The following DLG2 variants were observed in gnomAD, a reference collection of about 807,000 sequenced individuals.
DLG2 encodes the protein discs large MAGUK scaffold protein 2, also known as disks large homolog 2.
DLG2 carries 45 observed loss-of-function variants against 132.5 expected under a neutral mutation model. The ratio of observed to expected loss-of-function variants is 0.34; its 90% CI spans 0.27 to 0.44. DLG2 has a LOEUF of 0.44. Among genes scored for constraint, DLG2 ranks in the 20% least tolerant of loss-of-function variants. The pLI is 1.00. For synonymous variants in DLG2, 424 were observed against 419.6 expected (o/e 1.01, Z -0.13); for missense variants, 1,045 against 1,196.9 (o/e 0.87, Z 1.87).
chr11:84,284,595 T>G (rs2097889303), intron 7 of DLG2, among the ~76,000 whole-genome samples: 1 of 152,198 alleles, frequency 6.6e-6, no homozygotes, highest in African/African-American at 2.4e-5. Context: ...CACATAGTTC[T>G]GCAGAATGCT....
chr11:84,760,504 T>C (rs745679495), intron 6 of DLG2, among the ~76,000 whole-genome samples: 2 of 152,184 alleles, frequency 1.3e-5, no homozygotes, highest in Non-Finnish European at 2.9e-5. Flanking sequence ...TCAGACACAA[T>C]CAACTCTTTA....
At chr11:83,477,951 CA>C (rs1210502454) in intron 22 of DLG2, among the ~76,000 whole-genome samples, 1 of 152,004 alleles carries the variant, frequency 6.6e-6, no homozygotes, top group Non-Finnish European at 1.5e-5. Context: ...CTCATCTTTC[CA>C]AAGCTCAGCT....
At chr11:83,585,020 T>A (rs540230870) in intron 19 of DLG2, among the ~76,000 whole-genome samples, 1 of 152,198 alleles carries the variant, frequency 6.6e-6, no homozygotes, top group African/African-American at 2.4e-5. Context: ...GTGCTTTAAA[T>A]TTTTCATCTG....
rs184756532 is a variant in DLG2, at chr11:84,803,689, G to A, written c.358-268958C>T. On this transcript the variant is annotated intron_variant, in intron 6 of 27. Coordinates refer to ENST00000376104, the MANE Select transcript of DLG2 (RefSeq NM_001142699.3). ...CTTTAGGTTTTACATTTAAAGTTAC[G>A]AGTAATCATCAAAAGCATTGATGTT... Among the ~76,000 whole-genome samples, 60 of 152,252 alleles carry A rather than the reference G, an allele frequency of 3.9e-4. 2 individuals carry two copies. Among genetic ancestry groups the A allele is most frequent in the East Asian group, 1.2e-3 (6 of 5,188 alleles).
chr11:84,869,622 A>G (rs2085154867), intron 6 of DLG2, among the ~76,000 whole-genome samples: 1 of 152,234 alleles, frequency 6.6e-6, no homozygotes, highest in South Asian at 2.1e-4. Flanking sequence ...CAAAAGATAT[A>G]TTAAAGGCTC....
At position 84,630,775 on chromosome 11, in the gene DLG2, G is replaced by T. The variant is rs142296041; in HGVS notation, c.358-96044C>A. ...ACTCTTTATGTTCCAGCAATTCCTT[G>T]TAAGGAAACAGGGAGTGAAGAAAGC... is the stretch of plus-strand genomic sequence containing the variant. On this transcript the variant is annotated intron_variant, in intron 6 of 27. Coordinates refer to ENST00000376104, the MANE Select transcript of DLG2 (RefSeq NM_001142699.3). 1.2e-3 allele frequency among the ~76,000 whole-genome samples: 189 copies of T among 152,108 alleles called. 1 individual carries two copies. The highest frequency in any genetic ancestry group is 4.0e-3 in the African/African-American group (168 of 41,486).
chr11:85,182,918 AC>A (rs1053351029), intron 4 of DLG2, among the ~76,000 whole-genome samples: 21 of 150,708 alleles, frequency 1.4e-4, no homozygotes, highest in African/African-American at 5.1e-4. Context: ...TCTAAATGAC[AC>A]CCTAGTGGCC....
intron 4 of DLG2, among the ~76,000 whole-genome samples, chr11:85,205,923 T>C (rs1278595090): frequency 6.6e-6 from 1 of 152,160 alleles, no homozygotes; most frequent in Non-Finnish European, 1.5e-5. Flanking sequence ...ACATAATCAA[T>C]AGACACAATG....
At chr11:83,926,291 T>G (rs2154126069) in intron 15 of DLG2, among the ~76,000 whole-genome samples, 1 of 152,174 alleles carries the variant, frequency 6.6e-6, no homozygotes, top group East Asian at 1.9e-4. Context: ...GGATTAGGAA[T>G]TAAACTGATG....
chr11:84,836,066 G>T (rs573036277), intron 6 of DLG2, among the ~76,000 whole-genome samples: 1 of 151,844 alleles, frequency 6.6e-6, no homozygotes, highest in Admixed American at 6.6e-5. Flanking sequence ...TTGCTTCACT[G>T]ACTTACCCTG....
intron 6 of DLG2, among the ~76,000 whole-genome samples, chr11:84,910,153 C>A (rs182446242): frequency 1.3e-5 from 2 of 152,296 alleles, no homozygotes; most frequent in East Asian, 3.9e-4. Context: ...ACATCCCTGA[C>A]TGAGTGATTA....
intron 6 of DLG2, among the ~76,000 whole-genome samples, chr11:85,011,523 G>A (rs7933636): frequency 0.41 from 62,941 of 152,002 alleles, 13,781 homozygotes; most frequent in East Asian, 0.6. Context: ...GAGCAAAAGA[G>A]TAAGTAAATA....
At chr11:85,481,764 C>A (rs927622136) in intron 3 of DLG2, among the ~76,000 whole-genome samples, 1 of 151,990 alleles carries the variant, frequency 6.6e-6, no homozygotes, top group Non-Finnish European at 1.5e-5. Flanking sequence ...CCAGGCCAAA[C>A]CCACATAGTC....
chr11:83,927,445 G>T (rs1363287099), intron 15 of DLG2, among the ~76,000 whole-genome samples: 3 of 152,100 alleles, frequency 2.0e-5, no homozygotes, highest in Admixed American at 2.0e-4. Flanking sequence ...AAGATGACCA[G>T]AAATTAATCA....
intron 2 of DLG2, among the ~76,000 whole-genome samples, chr11:85,625,825 A>G (rs2082001119): frequency 6.6e-6 from 1 of 152,232 alleles, no homozygotes; most frequent in Non-Finnish European, 1.5e-5. Flanking sequence ...AAACAAAACA[A>G]AAACAGTCCC....
chr11:83,477,166 A>C (rs1253601500), intron 22 of DLG2, among the ~76,000 whole-genome samples: 1 of 152,142 alleles, frequency 6.6e-6, no homozygotes, highest in Non-Finnish European at 1.5e-5. Flanking sequence ...TGAGGAAGGC[A>C]TGTCTTCAGC....
At chr11:84,066,411 A>G (rs1212752799) in intron 10 of DLG2, among the ~76,000 whole-genome samples, 1 of 152,098 alleles carries the variant, frequency 6.6e-6, no homozygotes, top group Non-Finnish European at 1.5e-5. Context: ...TGACCAGCAC[A>G]CTTAACTCAA....
intron 7 of DLG2, among the ~76,000 whole-genome samples, chr11:84,269,573 T>C (rs2097692809): frequency 6.6e-6 from 1 of 152,196 alleles, no homozygotes; most frequent in Non-Finnish European, 1.5e-5. Context: ...TGAAAATTCT[T>C]GGGGGCAGAA....
At chr11:84,050,835 T>G (rs4944459) in intron 11 of DLG2, among the ~76,000 whole-genome samples, 1 of 151,656 alleles carries the variant, frequency 6.6e-6, no homozygotes, top group Non-Finnish European at 1.5e-5. Context: ...TGTAGATATG[T>G]GGCATTATTT....
Sources: gnomAD v4.1 joint callset for allele counts (sites outside exome capture counted in the v4.1 genomes callset) on GRCh38, gnomAD v4.1.1 for gene constraint, MANE v1.5 for transcripts, NCBI Gene and HGNC (gene_info 2026-07-23, HGNC 2026-07-21) for gene names.